Variants in IL6ST observed in about 807,000 individuals in gnomAD.
The protein encoded by IL6ST is interleukin 6 cytokine family signal transducer.
In IL6ST, 24 loss-of-function variants were observed where a neutral mutation model predicts 91.3. The ratio of observed to expected loss-of-function variants is 0.26; its 90% CI spans 0.19 to 0.37. The LOEUF is 0.37. IL6ST is among the 10% of genes least tolerant of loss of function. IL6ST has a pLI of 1.00. For synonymous variants in IL6ST, 351 were observed against 373.6 expected (o/e 0.94, Z 0.70); for missense variants, 914 against 1,078.5 (o/e 0.85, Z 2.14).
chr5:55,987,189 T>C (rs1010394424), intron 1 of IL6ST, among the ~76,000 whole-genome samples: 34 of 152,194 alleles, frequency 2.2e-4, no homozygotes, highest in African/African-American at 8.0e-4. Context: ...TTACCATTTC[T>C]AGAGCTTTTA....
chr5:55,951,692 AGAAGC>A, intron 13 of IL6ST, 88 bp from the exon 14 acceptor site: 1 of 1,295,160 alleles, frequency 7.7e-7, no homozygotes, highest in East Asian at 2.4e-5. Context: ...GTGTTAAAAA[AGAAGC>A]GAAGTATTTT....
At chr5:55,977,374 T>C (rs1022310707) in intron 2 of IL6ST, among the ~76,000 whole-genome samples, 5 of 151,922 alleles carry the variant, frequency 3.3e-5, no homozygotes, top group Admixed American at 3.3e-4. Flanking sequence ...ATTACAGGCA[T>C]GTGCCTCAGA....
rs1748738175 is a variant in IL6ST at position 55,939,700 on chromosome 5, T to TC, written c.*1381dup. 1 of 207,212 alleles carries TC rather than the reference T, an allele frequency of 4.8e-6. No individual in the cohort carries two copies. Among genetic ancestry groups the TC allele is most frequent in the Non-Finnish European group, 9.9e-6 (1 of 101,488 alleles). 12.8% of individuals were successfully genotyped at this position (207,212 alleles called of 1,614,324 possible). ...CCTATATTTAGCATCTGCTTCCATA[T>TC]CGCACGTGGTGGTTAGGGGACAGCA... On this transcript the variant is annotated 3_prime_UTR_variant, in exon 17 of 17. Transcript: ENST00000381298.
intron 1 of IL6ST, among the ~76,000 whole-genome samples, chr5:55,983,188 A>T (rs1753763093): frequency 6.6e-6 from 1 of 152,004 alleles, no homozygotes; most frequent in Non-Finnish European, 1.5e-5. Flanking sequence ...TAGTACAGAT[A>T]GTGTTTTGCC....
chr5:55,971,857 T>C (rs377668452), intron 3 of IL6ST, among the ~76,000 whole-genome samples: 26 of 152,340 alleles, frequency 1.7e-4, no homozygotes, highest in African/African-American at 6.3e-4. Flanking sequence ...TCACAAAGCC[T>C]GTAAAACCCA....
At chr5:55,951,848 T>A (rs1478593184) in intron 13 of IL6ST, 81 bp downstream of exon 13, 3 of 909,874 alleles carry the variant, frequency 3.3e-6, no homozygotes, top group Non-Finnish European at 4.9e-6. Context: ...ATAAGATGTA[T>A]AAGAAGAACA....
At chr5:55,990,205 G>A (rs1754232086) in intron 1 of IL6ST, among the ~76,000 whole-genome samples, 1 of 151,932 alleles carries the variant, frequency 6.6e-6, no homozygotes, top group Admixed American at 6.6e-5. Context: ...TTCAGCCAAT[G>A]TAGCTCTCTT....
chr5:55,942,891 A>T, intron 15 of IL6ST, 140 bp from the exon 16 acceptor site: 1 of 510,380 alleles, frequency 2.0e-6, no homozygotes. Flanking sequence ...ACTCTACCCC[A>T]AACAAAAATT....
Position 55,937,690 on chromosome 5 carries a change from C to CAAAATAATCT in IL6ST, c.*3391_*3392insAGATTATTTT. The CAAAATAATCT allele has an allele frequency of 5.1e-6, 1 of 195,386 alleles. No individual in the cohort carries two copies. The highest frequency in any genetic ancestry group is 1.1e-5 in the Non-Finnish European group (1 of 93,918). 12.1% of individuals were successfully genotyped at this position (195,386 alleles called of 1,614,324 possible). A position where few individuals can be genotyped will look rare whatever the true frequency, so the allele number is the denominator to read the frequency against. On this transcript the variant is annotated 3_prime_UTR_variant, in exon 17 of 17. Transcript: ENST00000381298. Reference sequence around the variant, plus strand: ...TTTTTAGAAAGTAATCTTATCAGCACAATATAATCTAACAATACCTGTAAT... The same window carrying CAAAATAATCT: ...TTTTTAGAAAGTAATCTTATCAGCACAAAATAATCTAATATAATCTAACAATACCTGTAAT...
chr5:55,950,923 T>C (rs1751596074), intron 14 of IL6ST, among the ~76,000 whole-genome samples: 1 of 150,878 alleles, frequency 6.6e-6, no homozygotes, highest in Admixed American at 6.6e-5. Context: ...CACTCCACTG[T>C]AGCCTGGGCA....
chr5:55,973,133 T>C (rs1300568890), intron 3 of IL6ST, among the ~76,000 whole-genome samples: 2 of 152,126 alleles, frequency 1.3e-5, no homozygotes, highest in Non-Finnish European at 2.9e-5. Context: ...ATTACCCATA[T>C]ATAAAAAAAC....
intron 1 of IL6ST, among the ~76,000 whole-genome samples, chr5:55,986,172 T>C (rs986628275): frequency 6.6e-6 from 1 of 152,252 alleles, no homozygotes; most frequent in African/African-American, 2.4e-5. Context: ...CCTTACTGAT[T>C]TTCTGACTAC....
chr5:55,972,655 C>A (rs537298539), intron 3 of IL6ST, among the ~76,000 whole-genome samples: 11 of 152,200 alleles, frequency 7.2e-5, no homozygotes, highest in African/African-American at 2.6e-4. Flanking sequence ...AGAAAGGTAT[C>A]TGATAAAGTT....
At chr5:55,979,315 C>T (rs536467338) in intron 2 of IL6ST, among the ~76,000 whole-genome samples, 8 of 152,228 alleles carry the variant, frequency 5.3e-5, no homozygotes, top group South Asian at 4.1e-4. Context: ...CAAAAGTCTA[C>T]GGTGTTTGGT....
chr5:55,968,666 A>G (rs183139090), intron 4 of IL6ST, among the ~76,000 whole-genome samples: 6 of 152,350 alleles, frequency 3.9e-5, no homozygotes, highest in Admixed American at 1.3e-4. Flanking sequence ...ACTTTCATTT[A>G]TAACTGGAAA....
intron 10 of IL6ST, among the ~76,000 whole-genome samples, chr5:55,955,430 G>C (rs1229674840): frequency 6.6e-6 from 1 of 151,976 alleles, no homozygotes; most frequent in Non-Finnish European, 1.5e-5. Flanking sequence ...CTAGGCGACA[G>C]AGCAAGACTG....
At chr5:55,960,715 C>A (rs555133716) in intron 7 of IL6ST, among the ~76,000 whole-genome samples, 154 bp from the exon 8 acceptor site, 15 of 152,144 alleles carry the variant, frequency 9.9e-5, no homozygotes, top group African/African-American at 3.4e-4. Flanking sequence ...ACAACCTCTA[C>A]CTCTCCCAGG....
intron 2 of IL6ST, among the ~76,000 whole-genome samples, chr5:55,980,008 G>T (rs1214519028): frequency 1.3e-5 from 2 of 152,140 alleles, no homozygotes; most frequent in Non-Finnish European, 2.9e-5. Flanking sequence ...TTGTTACATT[G>T]TTAAGGTACA....
chr5:55,964,787 T>A (rs1224220654), intron 5 of IL6ST, among the ~76,000 whole-genome samples: 1 of 152,172 alleles, frequency 6.6e-6, no homozygotes, highest in Non-Finnish European at 1.5e-5. Context: ...GCAACTACTT[T>A]CTGATTTCTA....
Sources: gnomAD v4.1 joint callset for allele counts (sites outside exome capture counted in the v4.1 genomes callset) on GRCh38, gnomAD v4.1.1 for gene constraint, MANE v1.5 for transcripts, NCBI Gene and HGNC (gene_info 2026-07-23, HGNC 2026-07-21) for gene names.